The following MYOM2 variants were observed in gnomAD, a reference collection of about 807,000 sequenced individuals.
The protein encoded by MYOM2 is myomesin-2.
In MYOM2, 254 loss-of-function variants were observed where a neutral mutation model predicts 187.6. The observed-to-expected ratio is 1.35, with a 90% CI of 1.22 to 1.50. The LOEUF (loss-of-function observed/expected upper bound fraction) is 1.50. Among genes scored for constraint, MYOM2 ranks in the 40% most tolerant of loss-of-function variants. The pLI is 0.00. For missense variants in MYOM2, 2,796 were observed against 1,924.0 expected (o/e 1.45, Z -8.48); for synonymous variants, 981 against 753.8 (o/e 1.30, Z -4.94).
chr8:2,132,696 C>G (rs1032822620), intron 32 of MYOM2, among the ~76,000 whole-genome samples: 2 of 152,188 alleles, frequency 1.3e-5, no homozygotes, highest in Middle Eastern at 3.2e-3. Flanking sequence ...AAGGAATCCT[C>G]TTGCCTTGGC....
At chr8:2,062,100 CT>C (rs1364674820) in intron 6 of MYOM2, among the ~76,000 whole-genome samples, 1 of 152,182 alleles carries the variant, frequency 6.6e-6, no homozygotes, top group Non-Finnish European at 1.5e-5. Context: ...GGTGGGCCCC[CT>C]GGCACAAAGG....
At chr8:2,051,945 ATGTAT>A (rs1818503716) in intron 2 of MYOM2, among the ~76,000 whole-genome samples, 1 of 152,210 alleles carries the variant, frequency 6.6e-6, no homozygotes, top group Non-Finnish European at 1.5e-5. Context: ...ATGTGTACGC[ATGTAT>A]TGTATGTGCA....
intron 8 of MYOM2, among the ~76,000 whole-genome samples, chr8:2,071,519 G>A (rs1463970232): frequency 6.6e-6 from 1 of 152,126 alleles, no homozygotes; most frequent in African/African-American, 2.4e-5. Context: ...GTTTTGAGGA[G>A]GAGGCAGCCG....
Position 2,144,996 on chromosome 8 carries a change from C to G in MYOM2, c.*15C>G. 6.2e-7 allele frequency: 1 copy of G among 1,610,042 alleles called. No homozygotes were observed. Among genetic ancestry groups the G allele is most frequent in the East Asian group, 2.2e-5 (1 of 44,866 alleles). On this transcript the variant is annotated 3_prime_UTR_variant, in exon 37 of 37. Coordinates refer to ENST00000262113, the MANE Select transcript of MYOM2 (RefSeq NM_003970.4). ...CAGGCCAGTGAAGGCGTTTTCCTAGCCTGGAGATGGGAAAATATGCTTGGC... is the reference window on the plus strand; with the variant it reads ...CAGGCCAGTGAAGGCGTTTTCCTAGGCTGGAGATGGGAAAATATGCTTGGC...
At chr8:2,093,909 C>T in intron 16 of MYOM2, 61 bp from the exon 17 acceptor site, 2 of 1,579,032 alleles carry the variant, frequency 1.3e-6, no homozygotes, top group South Asian at 1.2e-5. Flanking sequence ...ATTTTTGCTT[C>T]TGCTGCAGGA....
At chr8:2,129,290 C>T (rs1384993787) in intron 32 of MYOM2, 58 bp downstream of exon 32, 15 of 1,164,190 alleles carry the variant, frequency 1.3e-5, no homozygotes, top group Non-Finnish European at 1.7e-5. Context: ...CCAGGGCGCA[C>T]AGCTGGGACC....
At position 2,069,454 on chromosome 8, in the gene MYOM2, G is replaced by A. The variant is rs748584930; in HGVS notation, c.750G>A (p.Arg250=). 6.2e-7 allele frequency: 1 copy of A among 1,614,220 alleles called. No individual in the cohort carries two copies. The highest frequency in any genetic ancestry group is 1.1e-5 in the South Asian group (1 of 91,076). The change falls in exon 8 of 37, where the codon CGG becomes CGA. Residue 250 remains arginine (R), a synonymous_variant. Transcript: ENST00000262113. ...TNAAVVVRRF[R]GDEEPFRSVG... ...CACTTTGCTGTCTTGCAGGGTTCCGGGGAGACGAGGAACCATTCCGTTCGG... is the reference window on the plus strand; with the variant it reads ...CACTTTGCTGTCTTGCAGGGTTCCGAGGAGACGAGGAACCATTCCGTTCGG...
intron 28 of MYOM2, among the ~76,000 whole-genome samples, chr8:2,120,680 T>TATATATATATATATATATATC: frequency 2.1e-5 from 1 of 48,300 alleles, no homozygotes; most frequent in African/African-American, 6.6e-5. Flanking sequence ...ATATATTATA[T>TATATATATATATATATATATC]TATATATAAA....
intron 3 of MYOM2, among the ~76,000 whole-genome samples, chr8:2,056,637 G>A (rs56821331): frequency 0.32 from 49,294 of 152,022 alleles, 8,638 homozygotes; most frequent in East Asian, 0.66. Flanking sequence ...CTTTAATTCA[G>A]TTTTAAAATC....
intron 6 of MYOM2, among the ~76,000 whole-genome samples, chr8:2,060,753 T>C (rs991180804): frequency 4.5e-5 from 1 of 22,098 alleles, no homozygotes; most frequent in Non-Finnish European, 9.7e-5. Flanking sequence ...TGTTCGTTTG[T>C]TTGTTTTTTT....
At chr8:2,123,976 C>T (rs554492528) in intron 30 of MYOM2, among the ~76,000 whole-genome samples, 14 of 152,282 alleles carry the variant, frequency 9.2e-5, no homozygotes, top group Admixed American at 7.8e-4. Flanking sequence ...TTGAGTAAAA[C>T]GTTCTTGATC....
At chr8:2,054,833 G>A (rs1331429098) in intron 3 of MYOM2, among the ~76,000 whole-genome samples, 2 of 152,128 alleles carry the variant, frequency 1.3e-5, no homozygotes, top group African/African-American at 4.8e-5. Context: ...TGACGCCATC[G>A]TTCATTTCTT....
chr8:2,127,832 C>G (rs1411562745), intron 31 of MYOM2: 2 of 155,790 alleles, frequency 1.3e-5, no homozygotes, highest in African/African-American at 2.4e-5. Flanking sequence ...ACCATCTCTT[C>G]GTTCTTCCTC....
chr8:2,116,295 C>G lies in MYOM2; in HGVS notation c.3385+20C>G, dbSNP rs1269528745. 2 of 1,607,214 alleles carry G rather than the reference C, an allele frequency of 1.2e-6. No homozygotes were observed. Among genetic ancestry groups the G allele is most frequent in the South Asian group, 1.1e-5 (1 of 89,836 alleles). ...AACAAGGTGAGTTTCCTCACTCTGA[C>G]CGGCTCCCCTGCCCCTAGCATAAAG... On this transcript the variant is annotated intron_variant, in intron 27 of 36. Transcript: ENST00000262113.
At position 2,124,199 on chromosome 8, in the gene MYOM2, G is replaced by A. The variant is rs1235735089; in HGVS notation, c.3676G>A (p.Ala1226Thr). Residue 1226 changes from alanine (A) to threonine (T), a missense_variant, in exon 31 of 37, where the codon GCA becomes ACA. Ala to Thr is a moderately conservative substitution (Grantham distance 58, BLOSUM62 0). Transcript: ENST00000262113. ...AGKVYDDMIL[A>T]MSRVCGKSAS... ...TTCAGTGTATGATGATATGATTTTG[G>A]CAATGAGTAGAGTCTGTGGTAAGTA... 4.3e-6 allele frequency: 7 copies of A among 1,612,778 alleles called. No individual in the cohort carries two copies. The highest frequency in any genetic ancestry group is 5.9e-6 in the Non-Finnish European group (7 of 1,179,276).
Position 2,072,372 on chromosome 8 carries a change from C to A in MYOM2, c.821C>A (p.Thr274Lys), listed in dbSNP as rs369641198. The A allele has an allele frequency of 3.1e-6, 5 of 1,614,058 alleles. No individual in the cohort carries two copies. In the African/African-American group the frequency reaches 5.3e-5, roughly 17 times the overall value. The change falls in exon 9 of 37, where the codon ACG becomes AAG. Residue 274 changes from threonine (T) to lysine (K), a missense_variant. Thr to Lys is a moderately conservative substitution (Grantham distance 78, BLOSUM62 -1). Coordinates refer to ENST00000262113, the MANE Select transcript of MYOM2 (RefSeq NM_003970.4). The part of the protein sequence containing the change: ...GLPLSSMIPY[T>K]HFDVQFLEKF... ...CCCCTGTCATCGATGATTCCGTACA[C>A]GCACTTCGACGTCCAGTTTTTGGAG... is the stretch of plus-strand genomic sequence containing the variant.
chr8:2,123,389 G>A, intron 29 of MYOM2, 24 bp downstream of exon 29: 1 of 1,423,434 alleles, frequency 7.0e-7, no homozygotes, highest in Non-Finnish European at 9.3e-7. Flanking sequence ...AGTAACACAA[G>A]AAAGCAAAAC....
intron 32 of MYOM2, among the ~76,000 whole-genome samples, chr8:2,134,778 G>A (rs1017276778): frequency 3.3e-5 from 5 of 152,096 alleles, no homozygotes; most frequent in African/African-American, 1.2e-4. Context: ...TCCAGTGTGT[G>A]TGCCTGCATC....
rs899141163 is a variant in MYOM2, at chr8:2,145,049, C to G, written c.*68C>G. On this transcript the variant is annotated 3_prime_UTR_variant, in exon 37 of 37. Coordinates refer to ENST00000262113, the MANE Select transcript of MYOM2 (RefSeq NM_003970.4). Reference sequence around the variant, plus strand: ...AGACAGGAATGCTGTGTGCTTGTTCCAAATGAGCAGCTGGCATCCGAGTGG... The same window carrying G: ...AGACAGGAATGCTGTGTGCTTGTTCGAAATGAGCAGCTGGCATCCGAGTGG... 4 of 1,539,550 alleles carry G rather than the reference C, an allele frequency of 2.6e-6. No homozygotes were observed. The highest frequency in any genetic ancestry group is 3.5e-6 in the Non-Finnish European group (4 of 1,131,232).
Sources: gnomAD v4.1 joint callset for allele counts (sites outside exome capture counted in the v4.1 genomes callset) on GRCh38, gnomAD v4.1.1 for gene constraint, MANE v1.5 for transcripts, NCBI Gene and HGNC (gene_info 2026-07-23, HGNC 2026-07-21) for gene names.